The following SFXN3 variants were observed in gnomAD, a reference collection of about 807,000 sequenced individuals.
The protein encoded by SFXN3 is sideroflexin 3, also known as sideroflexin-3.
A neutral mutation model predicts 40.4 loss-of-function variants in SFXN3; 31 were observed. The observed-to-expected ratio is 0.77, with a 90% CI of 0.58 to 1.04. The LOEUF (loss-of-function observed/expected upper bound fraction) is 1.04, where lower values mean the gene tolerates loss of function less well. Among genes scored for constraint, SFXN3 ranks in the 50% least tolerant of loss-of-function variants. The pLI, the probability that SFXN3 is intolerant of heterozygous loss-of-function variation, is 0.00. For synonymous variants in SFXN3, 157 were observed against 160.0 expected (o/e 0.98, Z 0.14); for missense variants, 366 against 408.2 (o/e 0.90, Z 0.89).
intron 3 of SFXN3, among the ~76,000 whole-genome samples, chr10:101,035,120 C>T (rs1938527405): frequency 6.6e-6 from 1 of 152,222 alleles, no homozygotes; most frequent in Non-Finnish European, 1.5e-5. Context: ...CGGGGTCACC[C>T]TCTGCAAGGA....
intron 1 of SFXN3, 134 bp downstream of exon 1, chr10:101,031,668 A>G (rs1177903580): frequency 6.6e-6 from 1 of 152,222 alleles, no homozygotes; most frequent in Non-Finnish European, 1.5e-5. Flanking sequence ...GGACCGGAAG[A>G]ATCCTAAGAA....
exon 12 of SFXN3, chr10:101,040,006 C>T (rs1938821341): frequency 5.6e-6 from 1 of 179,350 alleles, no homozygotes; most frequent in Non-Finnish European, 1.2e-5. Context: ...TTTTTGATGG[C>T]ACCTCATCCC....
chr10:101,039,586 G>A lies in SFXN3; in HGVS notation c.*1G>A. 3 of 1,613,932 alleles carry A rather than the reference G, an allele frequency of 1.9e-6. No homozygotes were observed. Among genetic ancestry groups the A allele is most frequent in the Non-Finnish European group, 2.5e-6 (3 of 1,179,814 alleles). Reference sequence around the variant, plus strand: ...GGTCTACTACAACAAGGGGCTTTGAGGAGGGTCAGCCTCTGTCCCCTCCCT... The same window carrying A: ...GGTCTACTACAACAAGGGGCTTTGAAGAGGGTCAGCCTCTGTCCCCTCCCT... On this transcript the variant is annotated 3_prime_UTR_variant, in exon 12 of 12. Coordinates refer to ENST00000393459, the Ensembl canonical transcript of SFXN3. The surrounding 1 kb of genome is among the most constrained non-coding windows in gnomAD (Gnocchi z 4.6).
At position 101,036,591 on chromosome 10, in the gene SFXN3, C is replaced by T. The variant is rs1351169702; in HGVS notation, c.507+30C>T. 1 of 1,613,782 alleles carries T rather than the reference C, an allele frequency of 6.2e-7. No individual in the cohort carries two copies. Among genetic ancestry groups the T allele is most frequent in the Admixed American group, 1.7e-5 (1 of 59,990 alleles). ...AGGCCCCTCACTCCCCTGACCACCC[C>T]ATTCATCCTCTATCTGCCTCCTTCT... On this transcript the variant is annotated intron_variant, in intron 6 of 11. Coordinates refer to ENST00000393459, the Ensembl canonical transcript of SFXN3. This position sits in a 1 kb window ranked among gnomAD's most constrained non-coding sequence, Gnocchi z 4.2.
Position 101,036,533 on chromosome 10 carries a change from C to G in SFXN3, c.479C>G (p.Thr160Arg), listed in dbSNP as rs199913383. ...AGTGCCACCACTGGAGCTGTGGCCA[C>G]GGCCCTGGGACTCAAATCCCTCACC... The change falls in exon 6 of 12, where the codon ACG becomes AGG. Residue 160 changes from threonine (T) to arginine (R), a missense_variant. By Grantham distance (71) the Thr-to-Arg change is moderately conservative. Transcript: ENST00000393459. This position sits in a 1 kb window ranked among gnomAD's most constrained non-coding sequence, Gnocchi z 4.2. The G allele has an allele frequency of 6.2e-7, 1 of 1,614,144 alleles. No homozygotes were observed. The highest frequency in any genetic ancestry group is 8.5e-7 in the Non-Finnish European group (1 of 1,180,002).
chr10:101,032,733 T>C (rs761503532), intron 2 of SFXN3, among the ~76,000 whole-genome samples: 10 of 152,158 alleles, frequency 6.6e-5, no homozygotes, highest in Non-Finnish European at 1.0e-4. Flanking sequence ...ACAGGACACC[T>C]CCACTCTGTC....
In SFXN3 at chr10:101,036,064, T is replaced by C. The variant is rs749503699; in HGVS notation, c.394T>C (p.Tyr132His). The change falls in exon 5 of 12, where the codon TAC becomes CAC. Residue 132 changes from tyrosine to histidine, a missense_variant. By Grantham distance (83) the Tyr-to-His change is moderately conservative. Coordinates refer to ENST00000393459, the Ensembl canonical transcript of SFXN3. This position sits in a 1 kb window ranked among gnomAD's most constrained non-coding sequence, Gnocchi z 4.2. ...TCAGTCCTTCAATGCCATTGTTAAC[T>C]ACTCCAACCGCAGTGGTGACACTCC... The C allele has an allele frequency of 2.5e-6, 4 of 1,614,096 alleles. No individual in the cohort carries two copies. Among genetic ancestry groups the C allele is most frequent in the Non-Finnish European group, 2.5e-6 (3 of 1,180,000 alleles).
intron 9 of SFXN3, 55 bp from the exon 10 acceptor site, chr10:101,038,588 G>GT: frequency 1.9e-6 from 3 of 1,613,588 alleles, no homozygotes; most frequent in Non-Finnish European, 2.5e-6. Context: ...GTGAAATGGG[G>GT]TGACAGTGAG....
At chr10:101,035,324 C>T (rs1938536102) in intron 3 of SFXN3, among the ~76,000 whole-genome samples, 173 bp from the exon 4 acceptor site, 2 of 152,220 alleles carry the variant, frequency 1.3e-5, no homozygotes, top group Admixed American at 1.3e-4. Context: ...TAGGAGCCTC[C>T]ACTTCTGGGA....
At chr10:101,037,098 G>A (rs202175844) in exon 8 of SFXN3, 99 of 1,613,846 alleles carry the variant, frequency 6.1e-5, no homozygotes, top group Non-Finnish European at 8.5e-6. Context: ...GGGCATCCCG[G>A]TGGCTGATGA....
chr10:101,038,381 G>A (rs1429058461), intron 9 of SFXN3: 1 of 1,392,020 alleles, frequency 7.2e-7, no homozygotes, highest in Non-Finnish European at 9.3e-7. Context: ...GAAAAAAAAG[G>A]GCCAGGGAGT....
In SFXN3 at chr10:101,033,526, A is replaced by C. The variant is rs556282294; in HGVS notation, c.-4+1044A>C. Among the ~76,000 whole-genome samples the C allele has an allele frequency of 2.3e-4, 35 of 152,016 alleles. No homozygotes were observed. In the South Asian group the frequency reaches 6.9e-3, roughly 30 times the overall value. On this transcript the variant is annotated intron_variant, in intron 2 of 11. Coordinates refer to ENST00000393459, the Ensembl canonical transcript of SFXN3. ...CTCCTCCCCACACCCTTGCTTACCT[A>C]CCTAGTTGAAGGGGTGGCCTGCCCC...
intron 2 of SFXN3, among the ~76,000 whole-genome samples, chr10:101,032,810 C>T (rs576612952): frequency 7.0e-4 from 106 of 152,210 alleles, no homozygotes; most frequent in Middle Eastern, 3.4e-3. Flanking sequence ...GAGGGGAGGG[C>T]GTCTCTGCCT....
At chr10:101,038,661 G>T in exon 10 of SFXN3, 1 of 1,613,190 alleles carries the variant, frequency 6.2e-7, no homozygotes. Flanking sequence ...CTGGCTGGGG[G>T]CACCCCTGCA....
intron 10 of SFXN3, 138 bp downstream of exon 10, chr10:101,038,830 T>A: frequency 7.4e-7 from 1 of 1,354,592 alleles, no homozygotes; most frequent in Non-Finnish European, 1.0e-6. Flanking sequence ...GGAACAACTA[T>A]AGGGTCTACT....
exon 12 of SFXN3, chr10:101,041,023 A>T (rs1355074828): frequency 6.6e-6 from 1 of 152,206 alleles, no homozygotes; most frequent in East Asian, 1.9e-4. Context: ...TAGTCCAAAT[A>T]AAATATGGGC....
At chr10:101,032,551 ACTGT>A in intron 2 of SFXN3, 69 bp downstream of exon 2, 3 of 1,468,432 alleles carry the variant, frequency 2.0e-6, no homozygotes, top group Non-Finnish European at 2.7e-6. Flanking sequence ...CTGCCTTGAA[ACTGT>A]CTGTCCTGGT....
Position 101,037,377 on chromosome 10 carries a change from C to T in SFXN3, c.722-5C>T. On this transcript the variant is annotated splice_region_variant and splice_polypyrimidine_tract_variant and intron_variant, in intron 8 of 11. Transcript: ENST00000393459. ...TTCTCCTTCTTGGCCCTGCTCTCCC[C>T]ACAGCCATCCCACCACTGATCATGG... 1 of 1,614,174 alleles carries T rather than the reference C, an allele frequency of 6.2e-7. No individual in the cohort carries two copies. The highest frequency in any genetic ancestry group is 8.5e-7 in the Non-Finnish European group (1 of 1,180,040).
Position 101,036,514 on chromosome 10 carries a change from A to ACAGCCCTCACAG in SFXN3, c.461_462insAGCCCTCACAGC (p.Thr154_Thr155insAlaLeuThrAla). 4 of 1,614,038 alleles carry ACAGCCCTCACAG rather than the reference A, an allele frequency of 2.5e-6. No homozygotes were observed. In the South Asian group the frequency reaches 4.4e-5, roughly 18 times the overall value. On this transcript the variant is annotated inframe_insertion, in exon 6 of 12. Transcript: ENST00000393459. This position sits in a 1 kb window ranked among gnomAD's most constrained non-coding sequence, Gnocchi z 4.2. The stretch of plus-strand genomic sequence containing the variant: ...GCTGGGGACAGCCTATGTGAGTGCC[A>ACAGCCCTCACAG]CCACTGGAGCTGTGGCCACGGCCCT...
Sources: allele counts gnomAD v4.1 joint callset (sites outside exome capture counted in the v4.1 genomes callset), GRCh38; gene constraint gnomAD v4.1.1; non-coding constraint Gnocchi (gnomAD v3.1); transcripts MANE v1.5; gene names NCBI Gene and HGNC (gene_info 2026-07-23, HGNC 2026-07-21).